NRF1: variants seen among roughly 807,000 people sequenced by gnomAD.
NRF1 encodes alpha palindromic-binding protein.
Under a neutral mutation model 58.5 loss-of-function variants are expected in NRF1, and 5 were observed. The observed-to-expected ratio is 0.09, with a 90% CI of 0.04 to 0.18. The LOEUF is 0.18. Among genes scored for constraint, NRF1 ranks in the 10% least tolerant of loss-of-function variants. The pLI is 1.00. For missense variants in NRF1, 288 were observed against 657.7 expected (o/e 0.44, Z 6.15); for synonymous variants, 224 against 246.7 (o/e 0.91, Z 0.86).
intron 9 of NRF1, among the ~76,000 whole-genome samples, chr7:129,724,378 TAAC>T (rs1803401589): frequency 6.6e-6 from 1 of 152,104 alleles, no homozygotes; most frequent in Admixed American, 6.5e-5. Flanking sequence ...AAACAGAAAA[TAAC>T]AAGTGTTGGT....
chr7:129,716,012 C>CA (rs1290300125), intron 8 of NRF1, among the ~76,000 whole-genome samples: 1,681 of 146,536 alleles, frequency 0.011, 25 homozygotes, highest in African/African-American at 0.036. Context: ...TCTCCAACAA[C>CA]AAAAAAAAAA....
intron 9 of NRF1, among the ~76,000 whole-genome samples, chr7:129,720,526 T>C (rs1354517563): frequency 2.0e-5 from 3 of 152,186 alleles, no homozygotes; most frequent in African/African-American, 7.2e-5. Context: ...TGCAGCTTGC[T>C]CTGTTTTGGG....
At chr7:129,735,731 G>A (rs1562988327) in intron 10 of NRF1, among the ~76,000 whole-genome samples, 1 of 151,986 alleles carries the variant, frequency 6.6e-6, no homozygotes, top group African/African-American at 2.4e-5. Context: ...TAAGACCACC[G>A]GGCGCGGTGG....
At chr7:129,731,288 A>T (rs1295599319) in intron 10 of NRF1, among the ~76,000 whole-genome samples, 1 of 141,936 alleles carries the variant, frequency 7.0e-6, no homozygotes, top group Non-Finnish European at 1.6e-5. Flanking sequence ...AAAAAAAAAA[A>T]GGTAATGACC....
intron 9 of NRF1, among the ~76,000 whole-genome samples, chr7:129,718,819 A>G (rs1217108490): frequency 1.3e-5 from 2 of 152,138 alleles, no homozygotes; most frequent in East Asian, 3.9e-4. Context: ...TCAGGTTTGA[A>G]TCCTGGCTCC....
chr7:129,672,652 G>T (rs919858852), intron 3 of NRF1, among the ~76,000 whole-genome samples: 1 of 152,150 alleles, frequency 6.6e-6, no homozygotes, highest in Non-Finnish European at 1.5e-5. Flanking sequence ...TTGACATGGA[G>T]TTTGAGAGAA....
chr7:129,673,468 G>A (rs1310070819), intron 3 of NRF1, among the ~76,000 whole-genome samples: 5 of 152,102 alleles, frequency 3.3e-5, no homozygotes, highest in South Asian at 4.1e-4. Context: ...GGTGGCTCAC[G>A]CCTGTAATCC....
intron 10 of NRF1, among the ~76,000 whole-genome samples, chr7:129,743,160 C>T (rs146505488): frequency 7.6e-6 from 1 of 130,804 alleles, no homozygotes; most frequent in Non-Finnish European, 1.7e-5. Context: ...CCTTTGCCTA[C>T]TCCTACCCCT....
chr7:129,690,008 C>G (rs1335966613), intron 4 of NRF1, among the ~76,000 whole-genome samples: 1 of 152,156 alleles, frequency 6.6e-6, no homozygotes, highest in East Asian at 1.9e-4. Context: ...CCTTGAAGAT[C>G]TTGAAAATGA....
chr7:129,670,640 T>C (rs1398951611), intron 2 of NRF1, among the ~76,000 whole-genome samples: 2 of 152,194 alleles, frequency 1.3e-5, no homozygotes, highest in Non-Finnish European at 2.9e-5. Context: ...AAAATGTCTT[T>C]TTAAAAAGAT....
At chr7:129,669,440 T>A (rs1801996875) in intron 2 of NRF1, among the ~76,000 whole-genome samples, 1 of 152,204 alleles carries the variant, frequency 6.6e-6, no homozygotes, top group South Asian at 2.1e-4. Context: ...AAACACATTT[T>A]AAAAACCCCA....
At chr7:129,754,829 C>T (rs756967951) in intron 10 of NRF1, among the ~76,000 whole-genome samples, 189 bp from the exon 11 acceptor site, 1 of 152,110 alleles carries the variant, frequency 6.6e-6, no homozygotes, top group Non-Finnish European at 1.5e-5. Context: ...AATTATAAAT[C>T]TTAAAAATTA....
intron 10 of NRF1, chr7:129,735,270 G>A (rs773643565): frequency 7.2e-5 from 71 of 983,618 alleles, no homozygotes; most frequent in South Asian, 1.4e-4. Context: ...GGTGGCTCAC[G>A]CCTGTAATCC....
At chr7:129,659,692 T>C (rs193199343) in intron 2 of NRF1, among the ~76,000 whole-genome samples, 40 of 152,300 alleles carry the variant, frequency 2.6e-4, no homozygotes, top group Non-Finnish European at 4.9e-4. Flanking sequence ...CCGCTACTCT[T>C]TCAAAGATTA....
At chr7:129,695,575 CA>C (rs11398545) in intron 5 of NRF1, among the ~76,000 whole-genome samples, 29 of 123,920 alleles carry the variant, frequency 2.3e-4, no homozygotes, top group East Asian at 2.6e-4. Context: ...GACTCGATCT[CA>C]AAAAAAAAAA....
intron 10 of NRF1, among the ~76,000 whole-genome samples, chr7:129,733,390 C>G (rs1482161618): frequency 1.3e-5 from 2 of 151,432 alleles, no homozygotes; most frequent in Non-Finnish European, 2.9e-5. Context: ...CGGCGTGAAC[C>G]TGGGAGGTGG....
intron 10 of NRF1, among the ~76,000 whole-genome samples, chr7:129,727,588 T>C (rs78786004): frequency 0.015 from 2,313 of 152,346 alleles, 55 homozygotes; most frequent in African/African-American, 0.053. Context: ...GGCTACCTAA[T>C]TGAATTGTTA....
chr7:129,624,457 T>C (rs2151058037), intron 1 of NRF1, among the ~76,000 whole-genome samples: 1 of 152,320 alleles, frequency 6.6e-6, no homozygotes, highest in African/African-American at 2.4e-5. Flanking sequence ...TTACTTAGGC[T>C]TTTGTGGTAC....
chr7:129,712,978 A>G (rs1803109302), intron 8 of NRF1, among the ~76,000 whole-genome samples: 2 of 151,998 alleles, frequency 1.3e-5, no homozygotes, highest in Non-Finnish European at 2.9e-5. Flanking sequence ...TATCAACCAT[A>G]TGTCTCTACT....
Sources: allele counts gnomAD v4.1 joint callset (sites outside exome capture counted in the v4.1 genomes callset), GRCh38; gene constraint gnomAD v4.1.1; transcripts MANE v1.5; gene names NCBI Gene and HGNC (gene_info 2026-07-23, HGNC 2026-07-21).